Variants in CADM1 observed in about 807,000 individuals in gnomAD.
CADM1 encodes cell adhesion molecule 1.
Under a neutral mutation model 53.1 loss-of-function variants are expected in CADM1, and 15 were observed. That is an observed-to-expected ratio of 0.28 (90% CI 0.19 to 0.44). The LOEUF is 0.44. CADM1 is among the 20% of genes least tolerant of loss of function. CADM1 has a pLI of 1.00. For synonymous variants in CADM1, 281 were observed against 243.0 expected, an observed-to-expected ratio of 1.16 and a Z score of -1.45; for missense variants, 434 against 611.3, an observed-to-expected ratio of 0.71 and a Z score of 3.06.
chr11:115,207,122 A>G (rs1008148197), intron 8 of CADM1, among the ~76,000 whole-genome samples: 2 of 152,130 alleles, frequency 1.3e-5, no homozygotes, highest in African/African-American at 2.4e-5. Flanking sequence ...CTAGAAGATC[A>G]CATCCATTAA....
intron 1 of CADM1, among the ~76,000 whole-genome samples, chr11:115,433,584 C>T (rs978927260): frequency 4.6e-5 from 7 of 152,268 alleles, no homozygotes; most frequent in African/African-American, 1.7e-4. Context: ...GAAGCAAACG[C>T]ACATGTTTTG....
intron 8 of CADM1, among the ~76,000 whole-genome samples, chr11:115,203,911 C>A (rs1940556422): frequency 6.6e-6 from 1 of 152,128 alleles, no homozygotes; most frequent in Non-Finnish European, 1.5e-5. Context: ...TGGACACATA[C>A]TTTTTGGAGT....
chr11:115,332,781 G>A (rs1945165910), intron 1 of CADM1, among the ~76,000 whole-genome samples: 1 of 151,990 alleles, frequency 6.6e-6, no homozygotes, highest in Non-Finnish European at 1.5e-5. Flanking sequence ...TAAAGTCCTT[G>A]AGAAATAAAA....
At chr11:115,339,387 C>T (rs1945361351) in intron 1 of CADM1, among the ~76,000 whole-genome samples, 1 of 152,012 alleles carries the variant, frequency 6.6e-6, no homozygotes, top group African/African-American at 2.4e-5. Flanking sequence ...CCCAAATGTC[C>T]AACAATGATA....
At position 115,498,451 on chromosome 11, in the gene CADM1, G is replaced by A. The variant is rs539677734; in HGVS notation, c.124+5820C>T. The stretch of plus-strand genomic sequence containing the variant: ...TTCCTACAGAAGTCCTCACATGGAC[G>A]GTAATCATTATGGGAACAATTGGAA... On this transcript the variant is annotated intron_variant, in intron 1 of 11. Coordinates refer to ENST00000331581, the MANE Select transcript of CADM1 (RefSeq NM_001301043.2). 8.5e-5 allele frequency among the ~76,000 whole-genome samples: 13 copies of A among 152,260 alleles called. No individual in the cohort carries two copies. In the South Asian group the frequency reaches 2.1e-3, roughly 24 times the overall value.
chr11:115,498,508 G>A lies in CADM1; in HGVS notation c.124+5763C>T, dbSNP rs540070469. Reference sequence around the variant, plus strand: ...AGTCTCGCCAACGGTGCTTTCCAGCGCACGCCACAGTTGAGGGACTAGCTA... The same window carrying A: ...AGTCTCGCCAACGGTGCTTTCCAGCACACGCCACAGTTGAGGGACTAGCTA... On this transcript the variant is annotated intron_variant, in intron 1 of 11. Coordinates refer to ENST00000331581, the MANE Select transcript of CADM1 (RefSeq NM_001301043.2). 5.3e-5 allele frequency among the ~76,000 whole-genome samples: 8 copies of A among 152,260 alleles called. No homozygotes were observed. The South Asian group carries it at 8.3e-4, about 16-fold the overall frequency.
At chr11:115,312,048 A>G (rs1944545398) in intron 1 of CADM1, among the ~76,000 whole-genome samples, 1 of 152,188 alleles carries the variant, frequency 6.6e-6, no homozygotes, top group Non-Finnish European at 1.5e-5. Context: ...ACATGAATAC[A>G]ACACATTCCC....
intron 1 of CADM1, among the ~76,000 whole-genome samples, chr11:115,335,865 G>A (rs1269970962): frequency 6.6e-6 from 1 of 152,128 alleles, no homozygotes; most frequent in Non-Finnish European, 1.5e-5. Context: ...GAAGATGCAA[G>A]TTTTAAAAAA....
At chr11:115,189,113 G>C (rs1008261744) in intron 10 of CADM1, among the ~76,000 whole-genome samples, 2 of 152,148 alleles carry the variant, frequency 1.3e-5, no homozygotes, top group African/African-American at 4.8e-5. Context: ...TGACTGCAGT[G>C]TTCCTGCAGG....
chr11:115,252,742 A>G (rs1033002186), intron 1 of CADM1, among the ~76,000 whole-genome samples: 1 of 152,048 alleles, frequency 6.6e-6, no homozygotes, highest in African/African-American at 2.4e-5. Context: ...TCCCTGTAAA[A>G]CCTAAAAAAA....
At chr11:115,294,715 G>C (rs1451813649) in intron 1 of CADM1, among the ~76,000 whole-genome samples, 1 of 152,088 alleles carries the variant, frequency 6.6e-6, no homozygotes, top group Non-Finnish European at 1.5e-5. Context: ...TTTTACTTGT[G>C]ATAAGCCTCC....
intron 1 of CADM1, among the ~76,000 whole-genome samples, chr11:115,329,153 C>G (rs1418602671): frequency 1.3e-5 from 2 of 151,876 alleles, no homozygotes; most frequent in African/African-American, 4.8e-5. Context: ...CTTACTCTAC[C>G]TGCAAGTTTT....
chr11:115,175,737 A>T lies in CADM1; in HGVS notation c.*737T>A. On this transcript the variant is annotated 3_prime_UTR_variant, in exon 12 of 12. Coordinates refer to ENST00000331581, the MANE Select transcript of CADM1 (RefSeq NM_001301043.2). ...ATTCAATCTCATTGTGACACACCTCACTTGCAGATAACCCTGTACAGTAAT... is the reference window on the plus strand; with the variant it reads ...ATTCAATCTCATTGTGACACACCTCTCTTGCAGATAACCCTGTACAGTAAT... 6.1e-6 allele frequency: 6 copies of T among 988,816 alleles called. No individual in the cohort carries two copies. Among genetic ancestry groups the T allele is most frequent in the Non-Finnish European group, 7.2e-6 (6 of 832,020 alleles). 61.3% of individuals were successfully genotyped at this position (988,816 alleles called of 1,614,324 possible). A position where few individuals can be genotyped will look rare whatever the true frequency, so the allele number is the denominator to read the frequency against.
At chr11:115,399,217 C>A (rs141375206) in intron 1 of CADM1, 1 of 152,150 alleles carries the variant, frequency 6.6e-6, no homozygotes, top group Non-Finnish European at 1.5e-5. Flanking sequence ...TGTATCCTTA[C>A]GAAAATCCAG....
At chr11:115,231,269 GT>G (rs1279683689) in intron 4 of CADM1, 83 bp downstream of exon 4, 1 of 1,448,344 alleles carries the variant, frequency 6.9e-7, no homozygotes, top group African/African-American at 1.4e-5. Flanking sequence ...TCATGGGCAT[GT>G]TTTGTATTTC....
At chr11:115,441,109 G>GT (rs1397878209) in intron 1 of CADM1, among the ~76,000 whole-genome samples, 4 of 150,844 alleles carry the variant, frequency 2.7e-5, no homozygotes, top group Admixed American at 2.0e-4. Context: ...TGGACATGGT[G>GT]TTTTTTCTTC....
intron 1 of CADM1, chr11:115,397,306 G>T (rs1376310713): frequency 1.3e-5 from 2 of 152,058 alleles, no homozygotes; most frequent in African/African-American, 2.4e-5. Context: ...AACATTCCAA[G>T]ATAGATTCTG....
chr11:115,472,594 T>C (rs9804445), intron 1 of CADM1, among the ~76,000 whole-genome samples: 4 of 152,234 alleles, frequency 2.6e-5, no homozygotes, highest in African/African-American at 7.2e-5. Flanking sequence ...TTTGCCAATA[T>C]TGAAATGTTA....
chr11:115,503,434 C>A (rs992346650), intron 1 of CADM1, among the ~76,000 whole-genome samples: 22 of 152,300 alleles, frequency 1.4e-4, no homozygotes, highest in African/African-American at 4.1e-4. Context: ...GCCCCCTCCG[C>A]CACCCTCGGG....
Sources: allele counts gnomAD v4.1 joint callset (sites outside exome capture counted in the v4.1 genomes callset), GRCh38; gene constraint gnomAD v4.1.1; transcripts MANE v1.5; gene names NCBI Gene and HGNC (gene_info 2026-07-23, HGNC 2026-07-21).